ANKFN1: variants seen among roughly 807,000 people sequenced by gnomAD.
ANKFN1 encodes ankyrin repeat and fibronectin type III domain containing 1, also known as ankyrin repeat and fibronectin type-III domain-containing protein 1.
A neutral mutation model predicts 108.7 loss-of-function variants in ANKFN1; 74 were observed. The observed-to-expected ratio is 0.68, with a 90% CI of 0.56 to 0.83. The LOEUF (loss-of-function observed/expected upper bound fraction) is 0.83. Ranked by LOEUF, ANKFN1 falls within the 40% of genes least tolerant of loss-of-function variation. The pLI is 0.00. For missense variants in ANKFN1, 1,505 were observed against 1,382.3 expected (o/e 1.09, Z -1.41); for synonymous variants, 547 against 516.2 (o/e 1.06, Z -0.81).
At chr17:56,151,228 A>C (rs1316348222), upstream of ANKFN1, among the ~76,000 whole-genome samples, 1 of 152,122 alleles carries the variant, frequency 6.6e-6, no homozygotes, top group Non-Finnish European at 1.5e-5. Flanking sequence ...TGTTTTCATC[A>C]TGAAGGTGCA....
chr17:56,198,244 G>A lies in ANKFN1; in HGVS notation c.-70-14354G>A, dbSNP rs573144512. Among the ~76,000 whole-genome samples the A allele has an allele frequency of 1.2e-3, 181 of 152,274 alleles. 1 individual carries two copies. The South Asian group carries it at 0.02, about 17-fold the overall frequency. On this transcript the variant is annotated intron_variant, in intron 1 of 20. Transcript: ENST00000682825. ...AATACCTGAATTGTGGGGAGGTCTC[G>A]TATATGGGAATAATAAAAATAGGTT... is the stretch of plus-strand genomic sequence containing the variant.
intron 3 of ANKFN1, among the ~76,000 whole-genome samples, chr17:56,230,692 G>A (rs758495522): frequency 2.0e-5 from 3 of 152,036 alleles, no homozygotes; most frequent in Non-Finnish European, 2.9e-5. Context: ...TATCTTCTGG[G>A]TGGTATGGGT....
intron 3 of ANKFN1, among the ~76,000 whole-genome samples, chr17:56,265,176 A>G (rs1221904938): frequency 6.6e-6 from 1 of 152,200 alleles, no homozygotes; most frequent in Non-Finnish European, 1.5e-5. Flanking sequence ...ACAGTGTTCT[A>G]GTAGTCCATT....
At chr17:56,250,411 G>T (rs562101841) in intron 3 of ANKFN1, among the ~76,000 whole-genome samples, 1 of 152,304 alleles carries the variant, frequency 6.6e-6, no homozygotes, top group South Asian at 2.1e-4. Context: ...ACTAGGGGAA[G>T]GTGATGGCAT....
In ANKFN1 at chr17:56,409,634, T is replaced by G. The variant is rs933962641; in HGVS notation, c.911-30693T>G. 1.6e-4 allele frequency among the ~76,000 whole-genome samples: 25 copies of G among 152,212 alleles called. 1 individual carries two copies. ...AGCCTCACAGAAGTTAATCAGCATC[T>G]CTTTAACTGAGACTCAAATGGACTT... On this transcript the variant is annotated intron_variant, in intron 8 of 20. Transcript: ENST00000682825.
At chr17:56,228,808 C>G (rs1307273509) in intron 3 of ANKFN1, among the ~76,000 whole-genome samples, 1 of 152,006 alleles carries the variant, frequency 6.6e-6, no homozygotes, top group Non-Finnish European at 1.5e-5. Context: ...GTCATGTACC[C>G]TCATGGAGGA....
At chr17:56,388,333 T>C (rs1219028039) in intron 8 of ANKFN1, among the ~76,000 whole-genome samples, 2 of 152,014 alleles carry the variant, frequency 1.3e-5, no homozygotes. Context: ...GGTTTCACCA[T>C]GTTGGCCAGG....
At position 56,353,775 on chromosome 17, in the gene ANKFN1, C is replaced by A; in HGVS notation, c.391-61C>A. 4 of 1,487,578 alleles carry A rather than the reference C, an allele frequency of 2.7e-6. No homozygotes were observed. The South Asian group carries it at 4.6e-5, about 17-fold the overall frequency. The allele number at this position is 1,487,578 out of a possible 1,614,324, so 92.1% of individuals were successfully genotyped here. A position where few individuals can be genotyped will look rare whatever the true frequency, so the allele number is the denominator to read the frequency against. On this transcript the variant is annotated intron_variant, in intron 5 of 20. Transcript: ENST00000682825. ...AAACAGTCTTTAAACTTCAAAAGAG[C>A]TAAGCTACAAAGACACACTGGTTTA...
At chr17:56,392,464 T>C (rs1323061794) in intron 8 of ANKFN1, among the ~76,000 whole-genome samples, 1 of 152,184 alleles carries the variant, frequency 6.6e-6, no homozygotes, top group Non-Finnish European at 1.5e-5. Context: ...TTGGAGTGAA[T>C]AGCGCTACAC....
At chr17:56,098,151 TG>T (rs1436695437) in intron 4 of ANKFN1, among the ~76,000 whole-genome samples, 12 of 152,076 alleles carry the variant, frequency 7.9e-5, no homozygotes, top group African/African-American at 2.2e-4. Context: ...TGCTGACAGC[TG>T]CCAGAAGCTG....
At chr17:56,366,852 GT>G (rs1453230869) in intron 6 of ANKFN1, among the ~76,000 whole-genome samples, 4 of 152,184 alleles carry the variant, frequency 2.6e-5, no homozygotes, top group African/African-American at 4.8e-5. Flanking sequence ...ATCCCTGTTA[GT>G]AAGTGACACA....
intron 6 of ANKFN1, among the ~76,000 whole-genome samples, chr17:56,364,852 T>C (rs2046619919): frequency 6.6e-6 from 1 of 152,216 alleles, no homozygotes; most frequent in African/African-American, 2.4e-5. Flanking sequence ...ATGAAACATT[T>C]AATCTCCAGA....
At chr17:56,092,051 A>C (rs1905429888) in intron 4 of ANKFN1, among the ~76,000 whole-genome samples, 1 of 151,430 alleles carries the variant, frequency 6.6e-6, no homozygotes, top group African/African-American at 2.4e-5. Flanking sequence ...AGAAGACAAA[A>C]GAAAAATTAT....
At position 56,350,966 on chromosome 17, in the gene ANKFN1, T is replaced by C. The variant is rs753305073; in HGVS notation, c.389T>C (p.Val130Ala). ...CGGCTGAGTCTCAGGAAGACCTCGG[T>C]GGTAACAAAACTGTTTTTATTCTTG... ...TDRLSLRKTSVNFQGNEAMFE... is the reference protein window; with the variant it reads ...TDRLSLRKTSANFQGNEAMFE... Residue 130 changes from valine to alanine, a missense_variant and splice_region_variant, in exon 5 of 21, where the codon GTG becomes GCG. Transcript: ENST00000682825. 1.2e-6 allele frequency: 2 copies of C among 1,613,080 alleles called. No homozygotes were observed. Among genetic ancestry groups the C allele is most frequent in the African/African-American group, 1.3e-5 (1 of 74,870 alleles).
intron 8 of ANKFN1, among the ~76,000 whole-genome samples, chr17:56,420,609 T>A (rs966958088): frequency 1.3e-5 from 2 of 151,604 alleles, no homozygotes; most frequent in African/African-American, 4.8e-5. Flanking sequence ...TAATTATTTA[T>A]GTGTGCTGAA....
intron 9 of ANKFN1, among the ~76,000 whole-genome samples, chr17:56,441,119 A>C (rs1447992081): frequency 6.6e-6 from 1 of 152,208 alleles, no homozygotes; most frequent in African/African-American, 2.4e-5. Flanking sequence ...AAACTGGAGC[A>C]AACCCTGTAT....
chr17:56,270,749 T>C (rs544148075), intron 3 of ANKFN1, among the ~76,000 whole-genome samples: 2 of 152,338 alleles, frequency 1.3e-5, no homozygotes, highest in South Asian at 4.1e-4. Context: ...TTCTGTTCTC[T>C]AACTTGAACA....
At chr17:56,405,583 A>C (rs2047897106) in intron 8 of ANKFN1, among the ~76,000 whole-genome samples, 1 of 152,218 alleles carries the variant, frequency 6.6e-6, no homozygotes, top group South Asian at 2.1e-4. Context: ...AACATGCACA[A>C]GAGTTGTTTG....
chr17:56,158,991 A>G (rs889015872), intron 1 of ANKFN1, among the ~76,000 whole-genome samples: 2 of 136,746 alleles, frequency 1.5e-5, no homozygotes, highest in African/African-American at 5.4e-5. Context: ...TAGCATTCTT[A>G]TTGATAGAAA....
Sources: gnomAD v4.1 joint callset for allele counts (sites outside exome capture counted in the v4.1 genomes callset) on GRCh38, gnomAD v4.1.1 for gene constraint, MANE v1.5 for transcripts, NCBI Gene and HGNC (gene_info 2026-07-23, HGNC 2026-07-21) for gene names.